Variants in GRM8 observed in about 807,000 individuals in gnomAD.
GRM8 encodes the protein metabotropic glutamate receptor 8.
Under a neutral mutation model 87.2 loss-of-function variants are expected in GRM8, and 47 were observed. That is an observed-to-expected ratio of 0.54 (90% confidence interval 0.43 to 0.69). The LOEUF is 0.69. Ranked by LOEUF, GRM8 falls within the 30% of genes least tolerant of loss-of-function variation. The pLI is 0.00. For synonymous variants in GRM8, 396 were observed against 404.5 expected (o/e 0.98, Z 0.25); for missense variants, 1,019 against 1,139.2 (o/e 0.89, Z 1.52).
intron 3 of GRM8, among the ~76,000 whole-genome samples, chr7:126,919,341 TG>T (rs1804254816): frequency 1.3e-5 from 2 of 152,190 alleles, no homozygotes; most frequent in Non-Finnish European, 2.9e-5. Flanking sequence ...CTGCCTCCCA[TG>T]AGTACTGTGA....
At chr7:126,924,045 G>A (rs1261094969) in intron 3 of GRM8, among the ~76,000 whole-genome samples, 2 of 152,130 alleles carry the variant, frequency 1.3e-5, no homozygotes, top group Non-Finnish European at 2.9e-5. Context: ...GGATCTGAGT[G>A]GTTTCTTTTC....
chr7:126,474,712 G>C (rs186612159), intron 9 of GRM8, among the ~76,000 whole-genome samples: 3 of 152,198 alleles, frequency 2.0e-5, no homozygotes, highest in East Asian at 3.9e-4. Flanking sequence ...GGCTTGCAGG[G>C]GAGGGTTTTC....
At chr7:126,877,004 T>A (rs539402550) in intron 6 of GRM8, among the ~76,000 whole-genome samples, 1 of 152,202 alleles carries the variant, frequency 6.6e-6, no homozygotes, top group South Asian at 2.1e-4. Flanking sequence ...TCCTGCAATA[T>A]TCTTTTCACC....
chr7:126,587,330 T>C (rs867401282), intron 8 of GRM8, among the ~76,000 whole-genome samples: 6 of 152,326 alleles, frequency 3.9e-5, no homozygotes, highest in Admixed American at 6.5e-5. Flanking sequence ...TTACTGGGTA[T>C]GTACCCAAAG....
At chr7:126,777,277 T>A (rs1472461020) in intron 6 of GRM8, among the ~76,000 whole-genome samples, 1 of 152,006 alleles carries the variant, frequency 6.6e-6, no homozygotes, top group African/African-American at 2.4e-5. Flanking sequence ...ATGGTAAGAG[T>A]ACTTCACAAA....
intron 2 of GRM8, among the ~76,000 whole-genome samples, chr7:127,184,962 A>G (rs1363083214): frequency 1.3e-5 from 2 of 152,044 alleles, no homozygotes; most frequent in Non-Finnish European, 2.9e-5. Context: ...TACAAAACTG[A>G]TAAACAAAAT....
At chr7:126,479,053 T>C (rs975950933) in intron 9 of GRM8, among the ~76,000 whole-genome samples, 3 of 152,082 alleles carry the variant, frequency 2.0e-5, no homozygotes, top group Admixed American at 1.3e-4. Context: ...ATATTAACTT[T>C]CTTTTGCTTG....
At chr7:126,829,064 A>G (rs1346493047) in intron 6 of GRM8, among the ~76,000 whole-genome samples, 1 of 151,924 alleles carries the variant, frequency 6.6e-6, no homozygotes, top group African/African-American at 2.4e-5. Flanking sequence ...GTGGTCTGAG[A>G]GATAGTTTGT....
chr7:126,822,280 T>G (rs1224847381), intron 6 of GRM8, among the ~76,000 whole-genome samples: 1 of 152,190 alleles, frequency 6.6e-6, no homozygotes, highest in Non-Finnish European at 1.5e-5. Context: ...CATTTAAAGT[T>G]TCTTTAAAAG....
At chr7:127,226,811 A>C (rs1285799064) in intron 2 of GRM8, among the ~76,000 whole-genome samples, 1 of 152,210 alleles carries the variant, frequency 6.6e-6, no homozygotes, top group Non-Finnish European at 1.5e-5. Context: ...TGCAGTAAAA[A>C]ATAATATGCT....
intron 2 of GRM8, among the ~76,000 whole-genome samples, chr7:127,151,970 T>TA (rs35115717): frequency 0.2 from 30,643 of 152,052 alleles, 3,442 homozygotes; most frequent in Middle Eastern, 0.31. Flanking sequence ...TAGTCCCCTT[T>TA]AAAGTTACTT....
chr7:126,530,688 G>C (rs28514274), intron 9 of GRM8, among the ~76,000 whole-genome samples: 2,264 of 152,318 alleles, frequency 0.015, 50 homozygotes, highest in African/African-American at 0.048. Flanking sequence ...CCAGCTCTTT[G>C]GTCCTCCAAG....
At chr7:126,619,984 C>T (rs1021130958) in intron 7 of GRM8, among the ~76,000 whole-genome samples, 11 of 152,014 alleles carry the variant, frequency 7.2e-5, no homozygotes, top group African/African-American at 2.4e-4. Context: ...AATAAATGTG[C>T]CCAGCCAAAA....
intron 8 of GRM8, among the ~76,000 whole-genome samples, chr7:126,550,315 T>C (rs943187718): frequency 1.3e-5 from 2 of 151,998 alleles, no homozygotes; most frequent in Admixed American, 6.6e-5. Context: ...GGTCTCACCA[T>C]GTTGGCCAGG....
At chr7:126,580,295 C>T (rs1005718630) in intron 8 of GRM8, among the ~76,000 whole-genome samples, 3 of 152,048 alleles carry the variant, frequency 2.0e-5, no homozygotes, top group African/African-American at 7.2e-5. Context: ...TATGATTTCT[C>T]TTCTTAGTCC....
intron 3 of GRM8, chr7:127,076,108 G>C: frequency 2.2e-6 from 1 of 455,776 alleles, no homozygotes; most frequent in Non-Finnish European, 4.4e-6. Context: ...TCAGTAGAGA[G>C]CCTCTTCGAC....
chr7:127,021,245 G>T (rs1816232559), intron 3 of GRM8, among the ~76,000 whole-genome samples: 1 of 151,798 alleles, frequency 6.6e-6, no homozygotes. Flanking sequence ...CTTTGGCCAG[G>T]AATGTTTTCC....
At chr7:126,961,065 G>A (rs979171784) in intron 3 of GRM8, among the ~76,000 whole-genome samples, 1 of 152,004 alleles carries the variant, frequency 6.6e-6, no homozygotes, top group African/African-American at 2.4e-5. Flanking sequence ...AGACAGTTCT[G>A]ACCATATTAT....
chr7:127,249,284 T>C (rs1238416732), intron 1 of GRM8, among the ~76,000 whole-genome samples: 1 of 152,194 alleles, frequency 6.6e-6, no homozygotes, highest in Non-Finnish European at 1.5e-5. Flanking sequence ...TCAGTGCCTT[T>C]GTTCTTTCAT....
Sources: allele counts gnomAD v4.1 joint callset (sites outside exome capture counted in the v4.1 genomes callset), GRCh38; gene constraint gnomAD v4.1.1; transcripts MANE v1.5; gene names NCBI Gene and HGNC (gene_info 2026-07-23, HGNC 2026-07-21).